FTCDNL1: variants seen among roughly 807,000 people sequenced by gnomAD.
The protein encoded by FTCDNL1 is formiminotransferase N-terminal subdomain-containing protein.
Under a neutral mutation model 5.9 loss-of-function variants are expected in FTCDNL1, and 11 were observed. The ratio of observed to expected loss-of-function variants is 1.87; its 90% CI spans 1.18 to 3.10. The LOEUF is 3.10. Ranked by LOEUF, FTCDNL1 falls within the 30% of genes most tolerant of loss-of-function variation. The pLI is 0.00. For missense variants in FTCDNL1, 115 were observed against 65.5 expected (o/e 1.76, Z -2.61); for synonymous variants, 58 against 24.8 (o/e 2.34, Z -3.99).
chr2:199,718,899 T>G, the FTCDNL1 span, among the ~76,000 whole-genome samples: 5 of 152,126 alleles, frequency 3.3e-5, no homozygotes, highest in African/African-American at 1.2e-4. Context: ...TTTATTATTT[T>G]TTTCTTCTTC....
chr2:199,743,604 G>A, the FTCDNL1 span, among the ~76,000 whole-genome samples: 1 of 152,022 alleles, frequency 6.6e-6, no homozygotes. Flanking sequence ...GAGGCTCTGG[G>A]CGTTTCTCCT....
intron 3 of FTCDNL1, among the ~76,000 whole-genome samples, chr2:199,827,384 C>T (rs1367356989): frequency 7.0e-6 from 1 of 142,910 alleles, no homozygotes; most frequent in Admixed American, 6.9e-5. Context: ...ATACAACAAT[C>T]AGTGTGATGT....
the FTCDNL1 span, among the ~76,000 whole-genome samples, chr2:199,683,647 G>C: frequency 4.0e-5 from 6 of 151,356 alleles, no homozygotes; most frequent in Admixed American, 4.0e-4. Context: ...TGTAAAGATG[G>C]AGCAGCCCGT....
At chr2:199,845,026 T>C (rs1395686590) in intron 3 of FTCDNL1, among the ~76,000 whole-genome samples, 1 of 152,038 alleles carries the variant, frequency 6.6e-6, no homozygotes, top group Non-Finnish European at 1.5e-5. Flanking sequence ...GCTGAAACTA[T>C]AGGCATGAGC....
At chr2:199,732,622 A>G in the FTCDNL1 span, among the ~76,000 whole-genome samples, 1 of 148,644 alleles carries the variant, frequency 6.7e-6, no homozygotes, top group Non-Finnish European at 1.5e-5. Flanking sequence ...CATATCACTG[A>G]ATGAAAAAAA....
At chr2:199,770,236 G>A (rs1054413989) in intron 3 of FTCDNL1, among the ~76,000 whole-genome samples, 2 of 152,184 alleles carry the variant, frequency 1.3e-5, no homozygotes, top group African/African-American at 4.8e-5. Context: ...ATCACACCTT[G>A]AAAAGAGGTG....
the FTCDNL1 span, among the ~76,000 whole-genome samples, chr2:199,735,910 C>T: frequency 0.056 from 8,520 of 152,270 alleles, 324 homozygotes; most frequent in Middle Eastern, 0.15. Flanking sequence ...GACTCACATA[C>T]GACAGCGGAC....
rs61751881 is a variant in FTCDNL1 at position 199,819,716 on chromosome 2, C to T, written c.253G>A (p.Val85Met). The change falls in exon 4 of 5, where the codon GTG becomes ATG. Residue 85 changes from valine to methionine, a missense_variant. Transcript: ENST00000420128. Reference protein sequence around the residue: ...DLVLHVPGCSVFLFGEADLPE... With the variant: ...DLVLHVPGCSMFLFGEADLPE... ...AGGTCAGCTTCGCCAAAGAGAAACA[C>T]GCTGCAGCCAGGAACATGCAGCACC... The T allele has an allele frequency of 7.0e-3, 4,899 of 702,314 alleles. 79 individuals are homozygous for T. Among genetic ancestry groups the T allele is most frequent in the South Asian group, 0.024 (1,650 of 67,598 alleles). 43.5% of individuals were successfully genotyped at this position (702,314 alleles called of 1,614,324 possible).
At chr2:199,721,828 T>C in the FTCDNL1 span, among the ~76,000 whole-genome samples, 1 of 152,246 alleles carries the variant, frequency 6.6e-6, no homozygotes, top group Admixed American at 6.5e-5. Context: ...CTGACTGGTG[T>C]GAGATGGTAT....
chr2:199,774,060 A>C (rs1574469269), intron 3 of FTCDNL1, among the ~76,000 whole-genome samples: 1 of 152,252 alleles, frequency 6.6e-6, no homozygotes, highest in East Asian at 1.9e-4. Context: ...ATGTTTTGTA[A>C]TACATCCATT....
the FTCDNL1 span, among the ~76,000 whole-genome samples, chr2:199,670,080 C>T: frequency 6.6e-6 from 1 of 152,142 alleles, no homozygotes; most frequent in Non-Finnish European, 1.5e-5. Context: ...AAGCATAATC[C>T]TTACATGGAT....
At chr2:199,747,026 A>AACACACAC in the FTCDNL1 span, among the ~76,000 whole-genome samples, 5 of 145,930 alleles carry the variant, frequency 3.4e-5, no homozygotes, top group East Asian at 2.1e-4. Flanking sequence ...GTTTATTTAA[A>AACACACAC]ACACACACAC....
At chr2:199,738,444 T>C in the FTCDNL1 span, among the ~76,000 whole-genome samples, 2 of 152,214 alleles carry the variant, frequency 1.3e-5, no homozygotes, top group Admixed American at 1.3e-4. Context: ...CATAAAATGG[T>C]TTATATTACA....
chr2:199,760,672 TG>T, exon 4 of FTCDNL1: 2 of 606,244 alleles, frequency 3.3e-6, no homozygotes, highest in South Asian at 1.9e-5. Context: ...ATTCTGGGTA[TG>T]GTATAATTTT....
At chr2:199,717,990 A>AC in the FTCDNL1 span, among the ~76,000 whole-genome samples, 1 of 151,128 alleles carries the variant, frequency 6.6e-6, no homozygotes, top group Admixed American at 6.6e-5. Flanking sequence ...AAAAAACAAA[A>AC]AAAAAAAAAC....
At chr2:199,689,529 A>T in the FTCDNL1 span, among the ~76,000 whole-genome samples, 4 of 152,100 alleles carry the variant, frequency 2.6e-5, no homozygotes, top group African/African-American at 7.2e-5. Flanking sequence ...ATTATTCTCC[A>T]TTGAACTACA....
chr2:199,765,556 A>ATATTTTTTTTT, intron 3 of FTCDNL1, among the ~76,000 whole-genome samples: 10 of 42,666 alleles, frequency 2.3e-4, no homozygotes, highest in East Asian at 1.7e-3. Context: ...ATATATATAT[A>ATATTTTTTTTT]TTTTTTTTTT....
chr2:199,824,139 AGATGCC>A (rs1289099893), intron 3 of FTCDNL1, among the ~76,000 whole-genome samples: 19 of 152,294 alleles, frequency 1.2e-4, no homozygotes, highest in African/African-American at 4.6e-4. Flanking sequence ...TCTTAGCTAG[AGATGCC>A]AGGCTCCTGG....
the FTCDNL1 span, among the ~76,000 whole-genome samples, chr2:199,708,489 C>T: frequency 6.6e-6 from 1 of 152,022 alleles, no homozygotes; most frequent in Non-Finnish European, 1.5e-5. Context: ...TTGTTTAGTA[C>T]CTGAATTTCA....
Sources: gnomAD v4.1 joint callset for allele counts (sites outside exome capture counted in the v4.1 genomes callset) on GRCh38, gnomAD v4.1.1 for gene constraint, MANE v1.5 for transcripts, NCBI Gene and HGNC (gene_info 2026-07-23, HGNC 2026-07-21) for gene names.